CMIP: variants seen among roughly 807,000 people sequenced by gnomAD.
The protein encoded by CMIP is c-Maf inducing protein.
CMIP carries 13 observed loss-of-function variants against 97.3 expected under a neutral mutation model. The observed-to-expected ratio is 0.13, with a 90% CI of 0.09 to 0.21. The LOEUF (loss-of-function observed/expected upper bound fraction) is 0.21, where lower values mean the gene tolerates loss of function less well. Among genes scored for constraint, CMIP ranks in the 10% least tolerant of loss-of-function variants. CMIP has a pLI of 1.00. For synonymous variants in CMIP, 538 were observed against 436.3 expected (o/e 1.23, Z -2.91); for missense variants, 847 against 1,024.9 (o/e 0.83, Z 2.37).
At chr16:81,641,344 A>G (rs377250593) in intron 3 of CMIP, among the ~76,000 whole-genome samples, 3 of 152,052 alleles carry the variant, frequency 2.0e-5, no homozygotes, top group African/African-American at 7.2e-5. Context: ...CATCCAACAC[A>G]TCGGAGGAAC....
intron 1 of CMIP, among the ~76,000 whole-genome samples, chr16:81,504,535 C>G (rs962317453): frequency 7.7e-6 from 1 of 130,350 alleles, no homozygotes; most frequent in East Asian, 2.4e-4. Flanking sequence ...CCCAGCTACT[C>G]GGGAGGCTGA....
At chr16:81,681,102 G>A (rs1386091268) in intron 10 of CMIP, among the ~76,000 whole-genome samples, 4 of 152,218 alleles carry the variant, frequency 2.6e-5, no homozygotes, top group South Asian at 4.1e-4. Context: ...AAGCCAGGAC[G>A]GGTTCCCGAT....
chr16:81,673,695 G>A (rs564418313), intron 9 of CMIP, among the ~76,000 whole-genome samples: 1 of 152,138 alleles, frequency 6.6e-6, no homozygotes, highest in South Asian at 2.1e-4. Flanking sequence ...CCCATCCCTC[G>A]CTGGCTGAGA....
At chr16:81,550,990 G>A (rs367822717) in intron 1 of CMIP, among the ~76,000 whole-genome samples, 5 of 71,028 alleles carry the variant, frequency 7.0e-5, no homozygotes, top group South Asian at 4.9e-4. Context: ...CCCGTCACAC[G>A]CACCCCAGTC....
chr16:81,683,194 T>C (rs907335046), intron 10 of CMIP, among the ~76,000 whole-genome samples: 2 of 152,212 alleles, frequency 1.3e-5, no homozygotes, highest in Non-Finnish European at 2.9e-5. Context: ...AAGCGCTCAG[T>C]GCGGCTGCTG....
chr16:81,496,242 C>T (rs777630083), intron 1 of CMIP, among the ~76,000 whole-genome samples: 7 of 152,254 alleles, frequency 4.6e-5, no homozygotes, highest in Non-Finnish European at 1.0e-4. Context: ...ATTAAAATTG[C>T]TACATTTAGT....
chr16:81,455,473 G>A (rs1906490516), intron 1 of CMIP, among the ~76,000 whole-genome samples: 2 of 152,344 alleles, frequency 1.3e-5, no homozygotes, highest in East Asian at 1.9e-4. Flanking sequence ...AGAGGGAGGC[G>A]CAAGCCCAGA....
intron 6 of CMIP, among the ~76,000 whole-genome samples, chr16:81,663,249 G>T (rs2092567025): frequency 6.6e-6 from 1 of 151,938 alleles, no homozygotes; most frequent in Non-Finnish European, 1.5e-5. Context: ...ATGCCTTCCA[G>T]TGGGTGAATG....
intron 9 of CMIP, among the ~76,000 whole-genome samples, chr16:81,673,706 A>G (rs187616794): frequency 7.9e-5 from 12 of 152,250 alleles, no homozygotes; most frequent in Admixed American, 1.3e-4. Context: ...CTGGCTGAGA[A>G]CTGCTCCCGG....
intron 19 of CMIP, 141 bp downstream of exon 19, chr16:81,705,745 C>G (rs1189396081): frequency 1.7e-6 from 1 of 601,498 alleles, no homozygotes; most frequent in Non-Finnish European, 3.0e-6. Flanking sequence ...TCACTGCACA[C>G]CTGCTGTGGA....
At chr16:81,678,933 A>G (rs1904580858) in intron 10 of CMIP, among the ~76,000 whole-genome samples, 1 of 152,200 alleles carries the variant, frequency 6.6e-6, no homozygotes, top group African/African-American at 2.4e-5. Flanking sequence ...TTGTACCTGT[A>G]TGCTTGAGTG....
intron 2 of CMIP, among the ~76,000 whole-genome samples, chr16:81,609,617 C>T (rs1457687266): frequency 6.6e-6 from 1 of 152,168 alleles, no homozygotes; most frequent in Non-Finnish European, 1.5e-5. Context: ...ACTGGGAGCC[C>T]AGAGAAGGAG....
At chr16:81,548,596 C>T (rs1389573061) in intron 1 of CMIP, among the ~76,000 whole-genome samples, 1 of 151,550 alleles carries the variant, frequency 6.6e-6, no homozygotes, top group Admixed American at 6.6e-5. Context: ...ATTCCAGTTC[C>T]TTGGGAGGCT....
intron 3 of CMIP, among the ~76,000 whole-genome samples, chr16:81,637,082 T>G (rs58503037): frequency 0.08 from 12,232 of 152,142 alleles, 573 homozygotes; most frequent in South Asian, 0.16. Context: ...CTTTTTTATT[T>G]TTTTTGAGAC....
chr16:81,574,138 A>T (rs1211448270), intron 1 of CMIP, among the ~76,000 whole-genome samples: 1 of 152,218 alleles, frequency 6.6e-6, no homozygotes, highest in Non-Finnish European at 1.5e-5. Flanking sequence ...CAGTGCAGAT[A>T]CAGAACATTT....
chr16:81,447,089 A>C (rs1209082828), intron 1 of CMIP, among the ~76,000 whole-genome samples: 1 of 152,136 alleles, frequency 6.6e-6, no homozygotes, highest in Non-Finnish European at 1.5e-5. Flanking sequence ...CAATGGATGG[A>C]GGCGGGAGAG....
intron 10 of CMIP, among the ~76,000 whole-genome samples, chr16:81,688,661 T>C (rs1244089764): frequency 6.6e-6 from 1 of 152,168 alleles, no homozygotes; most frequent in East Asian, 1.9e-4. Flanking sequence ...GCATCAACTC[T>C]GTTTTTTTTT....
chr16:81,668,442 G>T (rs764602899), intron 7 of CMIP, among the ~76,000 whole-genome samples: 1 of 152,184 alleles, frequency 6.6e-6, no homozygotes, highest in Non-Finnish European at 1.5e-5. Flanking sequence ...CACTGGGCTG[G>T]GCGCCGACTT....
intron 11 of CMIP, 101 bp from the exon 12 acceptor site, chr16:81,693,057 C>T (rs944716007): frequency 2.5e-6 from 2 of 805,370 alleles, no homozygotes; most frequent in South Asian, 1.6e-5. Context: ...TTCTTTGAAT[C>T]AGACATAAAG....
Sources: gnomAD v4.1 joint callset for allele counts (sites outside exome capture counted in the v4.1 genomes callset) on GRCh38, gnomAD v4.1.1 for gene constraint, MANE v1.5 for transcripts, NCBI Gene and HGNC (gene_info 2026-07-23, HGNC 2026-07-21) for gene names.